ST6GALNAC5: variants seen among roughly 807,000 people sequenced by gnomAD.
ST6GALNAC5 encodes the protein alpha-N-acetylgalactosaminide alpha-2,6-sialyltransferase 5.
Under a neutral mutation model 33.6 loss-of-function variants are expected in ST6GALNAC5, and 27 were observed. That is an observed-to-expected ratio of 0.80 (90% CI 0.59 to 1.11). The LOEUF is 1.11. Ranked by LOEUF, ST6GALNAC5 falls within the 50% of genes least tolerant of loss-of-function variation. The pLI, the probability that ST6GALNAC5 is intolerant of heterozygous loss-of-function variation, is 0.00. For missense variants in ST6GALNAC5, 428 were observed against 454.0 expected, an observed-to-expected ratio of 0.94 and a Z score of 0.52; for synonymous variants, 194 against 171.2, an observed-to-expected ratio of 1.13 and a Z score of -1.04.
chr1:76,916,532 A>T (rs1045112113), intron 2 of ST6GALNAC5, among the ~76,000 whole-genome samples: 2 of 152,174 alleles, frequency 1.3e-5, no homozygotes, highest in Non-Finnish European at 2.9e-5. Context: ...ATGTTTCTTT[A>T]AACATCAAGA....
intron 2 of ST6GALNAC5, among the ~76,000 whole-genome samples, chr1:77,037,440 G>C (rs1651685340): frequency 6.6e-6 from 1 of 152,144 alleles, no homozygotes; most frequent in Middle Eastern, 3.4e-3. Flanking sequence ...AAAAACTATT[G>C]AGTACTATCC....
intron 2 of ST6GALNAC5, among the ~76,000 whole-genome samples, chr1:76,897,078 G>A (rs1330888801): frequency 1.3e-5 from 2 of 152,158 alleles, no homozygotes; most frequent in Non-Finnish European, 2.9e-5. Context: ...TGCCGAGATA[G>A]GTAACAGATG....
At chr1:76,909,846 G>C (rs1016426749) in intron 2 of ST6GALNAC5, among the ~76,000 whole-genome samples, 3 of 152,010 alleles carry the variant, frequency 2.0e-5, no homozygotes, top group South Asian at 4.1e-4. Flanking sequence ...GAAAATCATA[G>C]CAGGACCTAC....
chr1:77,001,437 A>C (rs1311405297), intron 2 of ST6GALNAC5, among the ~76,000 whole-genome samples: 6 of 125,982 alleles, frequency 4.8e-5, no homozygotes, highest in African/African-American at 1.8e-4. Context: ...GTCGTCTGCA[A>C]ACAGGGACAA....
Position 77,000,872 on chromosome 1 carries a change from C to A in ST6GALNAC5, c.262-43332C>A, listed in dbSNP as rs547065030. On this transcript the variant is annotated intron_variant, in intron 2 of 4. Coordinates refer to ENST00000477717, the MANE Select transcript of ST6GALNAC5 (RefSeq NM_030965.3). ...CTATATCTCTGTTTTGGTACCAGTACCATGCTGTTTTGGTTACTGTAGCCT... is the reference window on the plus strand; with the variant it reads ...CTATATCTCTGTTTTGGTACCAGTAACATGCTGTTTTGGTTACTGTAGCCT... Among the ~76,000 whole-genome samples, 11 of 152,212 alleles carry A rather than the reference C, an allele frequency of 7.2e-5. No individual in the cohort carries two copies. The South Asian group carries it at 2.3e-3, about 32-fold the overall frequency.
At chr1:77,000,051 C>T (rs1650086415) in intron 2 of ST6GALNAC5, among the ~76,000 whole-genome samples, 3 of 83,152 alleles carry the variant, frequency 3.6e-5, no homozygotes, top group African/African-American at 6.7e-5. Flanking sequence ...TTCTAGATCC[C>T]TGAGGAATCG....
chr1:77,046,683 T>C (rs1360332276), intron 3 of ST6GALNAC5, among the ~76,000 whole-genome samples: 2 of 152,238 alleles, frequency 1.3e-5, no homozygotes, highest in Non-Finnish European at 2.9e-5. Flanking sequence ...GAAAACATTT[T>C]ATAAGGAATC....
At chr1:76,978,729 C>T (rs1410280173) in intron 2 of ST6GALNAC5, among the ~76,000 whole-genome samples, 1 of 152,122 alleles carries the variant, frequency 6.6e-6, no homozygotes. Context: ...GACAAGAATG[C>T]CCACTTTTAC....
At chr1:77,002,476 G>T (rs1035671681) in intron 2 of ST6GALNAC5, among the ~76,000 whole-genome samples, 31 of 151,742 alleles carry the variant, frequency 2.0e-4, no homozygotes, top group African/African-American at 7.5e-4. Context: ...ACGGTTTTTT[G>T]TGTCTCTATT....
At chr1:77,005,789 T>G (rs115333903) in intron 2 of ST6GALNAC5, among the ~76,000 whole-genome samples, 8 of 152,310 alleles carry the variant, frequency 5.3e-5, no homozygotes, top group Non-Finnish European at 1.0e-4. Context: ...CTCATATACA[T>G]GAAATCATAC....
At chr1:76,968,832 C>T (rs1557741112) in intron 2 of ST6GALNAC5, among the ~76,000 whole-genome samples, 2 of 152,148 alleles carry the variant, frequency 1.3e-5, no homozygotes, top group African/African-American at 4.8e-5. Context: ...TTCTCCTTCA[C>T]TTATGAAGCT....
intron 2 of ST6GALNAC5, among the ~76,000 whole-genome samples, chr1:76,936,321 C>T (rs1324360444): frequency 6.6e-6 from 1 of 152,010 alleles, no homozygotes; most frequent in African/African-American, 2.4e-5. Context: ...CTAGTGTTCC[C>T]ACCTATGATT....
At chr1:76,898,721 G>C (rs1483658902) in intron 2 of ST6GALNAC5, among the ~76,000 whole-genome samples, 3 of 152,160 alleles carry the variant, frequency 2.0e-5, no homozygotes, top group African/African-American at 4.8e-5. Flanking sequence ...GGAAATTGCT[G>C]GGCAGGTTGG....
chr1:76,992,027 G>A (rs2100397013), intron 2 of ST6GALNAC5, among the ~76,000 whole-genome samples: 1 of 152,112 alleles, frequency 6.6e-6, no homozygotes, highest in Non-Finnish European at 1.5e-5. Context: ...CAATGAAAAG[G>A]AAATCAACAA....
intron 2 of ST6GALNAC5, among the ~76,000 whole-genome samples, chr1:76,912,365 T>G (rs914645817): frequency 1.3e-5 from 2 of 152,158 alleles, no homozygotes; most frequent in Non-Finnish European, 2.9e-5. Context: ...AATTTTGGAA[T>G]AGGTATGGTG....
intron 2 of ST6GALNAC5, among the ~76,000 whole-genome samples, chr1:76,902,211 TA>T (rs1413916847): frequency 6.6e-6 from 1 of 152,182 alleles, no homozygotes; most frequent in Admixed American, 6.5e-5. Context: ...AAATTAATTA[TA>T]TTTTTATATA....
chr1:76,940,529 A>T (rs192906564), intron 2 of ST6GALNAC5, among the ~76,000 whole-genome samples: 1 of 152,136 alleles, frequency 6.6e-6, no homozygotes, highest in African/African-American at 2.4e-5. Context: ...TGTTAACTAG[A>T]AGGGACCTTA....
intron 2 of ST6GALNAC5, among the ~76,000 whole-genome samples, chr1:76,938,676 T>C (rs1309304752): frequency 2.0e-5 from 3 of 152,096 alleles, no homozygotes; most frequent in East Asian, 3.9e-4. Context: ...CTATCTCTAC[T>C]GTAGTAGTTT....
chr1:77,025,658 G>A (rs951957359), intron 2 of ST6GALNAC5, among the ~76,000 whole-genome samples: 4 of 152,166 alleles, frequency 2.6e-5, no homozygotes, highest in African/African-American at 9.7e-5. Context: ...ACCAGTTGGG[G>A]GTAACATGGT....
Sources: gnomAD v4.1 joint callset for allele counts (sites outside exome capture counted in the v4.1 genomes callset) on GRCh38, gnomAD v4.1.1 for gene constraint, MANE v1.5 for transcripts, NCBI Gene and HGNC (gene_info 2026-07-23, HGNC 2026-07-21) for gene names.